Variants in DPP6 observed in about 807,000 individuals in gnomAD.
DPP6 encodes A-type potassium channel modulatory protein DPP6.
In DPP6, 69 loss-of-function variants were observed where a neutral mutation model predicts 122.6. The observed-to-expected ratio is 0.56, with a 90% confidence interval of 0.46 to 0.69. The LOEUF is 0.69. Ranked by LOEUF, DPP6 falls within the 30% of genes least tolerant of loss-of-function variation. The pLI is 0.00. For missense variants in DPP6, 928 were observed against 1,116.9 expected (o/e 0.83, Z 2.41); for synonymous variants, 418 against 433.1 (o/e 0.97, Z 0.43).
At position 154,580,110 on chromosome 7, in the gene DPP6, T is replaced by C. The variant is rs188732599; in HGVS notation, c.627+13194T>C. On this transcript the variant is annotated intron_variant, in intron 5 of 25. Transcript: ENST00000377770. ...GGTGAATAACAGTAAGACTCCAAAA[T>C]CAAGTGGGTATGTCTGACGATCTGC... Among the ~76,000 whole-genome samples, 5 of 150,964 alleles carry C rather than the reference T, an allele frequency of 3.3e-5. No homozygotes were observed. In the East Asian group the frequency reaches 9.8e-4, roughly 30 times the overall value.
At chr7:154,472,480 T>C (rs1563725355) in intron 2 of DPP6, among the ~76,000 whole-genome samples, 1 of 152,166 alleles carries the variant, frequency 6.6e-6, no homozygotes, top group Non-Finnish European at 1.5e-5. Context: ...CACTTTCTTA[T>C]TTAATAGTCT....
At chr7:154,189,695 G>T (rs527661784) in intron 1 of DPP6, among the ~76,000 whole-genome samples, 1 of 152,126 alleles carries the variant, frequency 6.6e-6, no homozygotes, top group Non-Finnish European at 1.5e-5. Flanking sequence ...CTCTCATGCC[G>T]TGTCTCTGGG....
chr7:153,843,202 A>G, the DPP6 span, among the ~76,000 whole-genome samples: 1 of 151,614 alleles, frequency 6.6e-6, no homozygotes, highest in African/African-American at 2.4e-5. Context: ...GCATACACAC[A>G]CGTGCACACA....
At chr7:154,199,298 A>G (rs1238766830) in intron 1 of DPP6, among the ~76,000 whole-genome samples, 1 of 152,038 alleles carries the variant, frequency 6.6e-6, no homozygotes, top group African/African-American at 2.4e-5. Flanking sequence ...TCACTCATCC[A>G]TTTTCAGTAG....
intron 1 of DPP6, among the ~76,000 whole-genome samples, chr7:154,359,808 A>G (rs1052226151): frequency 6.6e-6 from 1 of 152,236 alleles, no homozygotes; most frequent in African/African-American, 2.4e-5. Context: ...AGGCAGTCAG[A>G]TAGTCAAACA....
chr7:154,349,051 A>C lies in DPP6; in HGVS notation c.244-97163A>C, dbSNP rs549773111. Reference sequence around the variant, plus strand: ...ACCTTCCAACTGGGCAGAGGATGGGAGCACAGAGGGGTCCACAGCTGTAAG... The same window carrying C: ...ACCTTCCAACTGGGCAGAGGATGGGCGCACAGAGGGGTCCACAGCTGTAAG... On this transcript the variant is annotated intron_variant, in intron 1 of 25. Coordinates refer to ENST00000377770, the MANE Select transcript of DPP6 (RefSeq NM_130797.4). Among the ~76,000 whole-genome samples the C allele has an allele frequency of 4.6e-5, 7 of 152,354 alleles. No homozygotes were observed. The East Asian group carries it at 1.2e-3, about 25-fold the overall frequency.
chr7:154,281,757 G>C (rs1804529520), intron 1 of DPP6, among the ~76,000 whole-genome samples: 1 of 152,150 alleles, frequency 6.6e-6, no homozygotes, highest in Non-Finnish European at 1.5e-5. Context: ...CACGCAGACG[G>C]ATTTCAGCAT....
upstream of DPP6, among the ~76,000 whole-genome samples, chr7:153,886,929 T>C (rs538805130): frequency 1.6e-4 from 24 of 152,080 alleles, no homozygotes; most frequent in East Asian, 3.7e-3. Flanking sequence ...GCAATCACCG[T>C]AGTGCTTGTT....
chr7:154,532,777 AAAAC>A (rs1233660080), intron 3 of DPP6, among the ~76,000 whole-genome samples: 1 of 152,042 alleles, frequency 6.6e-6, no homozygotes, highest in East Asian at 1.9e-4. Flanking sequence ...TTTTTAAAAT[AAAAC>A]AAAATTTATA....
At chr7:153,759,394 CT>C in the DPP6 span, among the ~76,000 whole-genome samples, 1 of 152,002 alleles carries the variant, frequency 6.6e-6, no homozygotes, top group African/African-American at 2.4e-5. Flanking sequence ...TCTCGGCCCA[CT>C]GCAACTTCCA....
At chr7:153,888,421 A>T (rs1239985578) in intron 1 of DPP6, among the ~76,000 whole-genome samples, 8 of 152,136 alleles carry the variant, frequency 5.3e-5, no homozygotes, top group Non-Finnish European at 1.2e-4. Flanking sequence ...TGCACGGATA[A>T]CTTTCTAAGT....
chr7:154,603,757 A>G (rs1833499347), intron 5 of DPP6, among the ~76,000 whole-genome samples: 1 of 117,144 alleles, frequency 8.5e-6, no homozygotes, highest in Non-Finnish European at 1.9e-5. Flanking sequence ...CATAAATATA[A>G]TGTTAAGAAG....
At chr7:153,778,799 T>A in the DPP6 span, among the ~76,000 whole-genome samples, 1 of 151,222 alleles carries the variant, frequency 6.6e-6, no homozygotes, top group Non-Finnish European at 1.5e-5. Context: ...AGTTAGACAT[T>A]CCTTTACCAT....
At chr7:153,785,214 G>A in the DPP6 span, among the ~76,000 whole-genome samples, 7 of 152,102 alleles carry the variant, frequency 4.6e-5, no homozygotes, top group Admixed American at 3.3e-4. Flanking sequence ...ACAAACCCCC[G>A]TGTCTCACTA....
intron 1 of DPP6, among the ~76,000 whole-genome samples, chr7:154,255,937 A>G (rs1435004724): frequency 6.6e-6 from 1 of 152,244 alleles, no homozygotes; most frequent in East Asian, 1.9e-4. Flanking sequence ...ATAAAATAAG[A>G]AGAGTAATAT....
chr7:154,367,058 G>A (rs149087767), intron 1 of DPP6, among the ~76,000 whole-genome samples: 35 of 152,282 alleles, frequency 2.3e-4, no homozygotes, highest in African/African-American at 8.2e-4. Flanking sequence ...CTTTCTTAGG[G>A]GAGGAGGCAA....
chr7:154,305,033 C>A (rs1317973189), intron 1 of DPP6: 1 of 16,134 alleles, frequency 6.2e-5, no homozygotes, highest in African/African-American at 2.4e-4. Context: ...AGCCCCAGCC[C>A]CAGCCCCAGC....
At chr7:154,796,015 C>A in intron 12 of DPP6, 132 bp downstream of exon 12, 2 of 1,374,758 alleles carry the variant, frequency 1.5e-6, no homozygotes, top group Non-Finnish European at 1.9e-6. Flanking sequence ...CAGAAACAGA[C>A]GGCGTGCCGG....
intron 1 of DPP6, among the ~76,000 whole-genome samples, chr7:153,911,023 T>G (rs1800067713): frequency 6.6e-6 from 1 of 152,172 alleles, no homozygotes; most frequent in African/African-American, 2.4e-5. Context: ...AGTGATCGTT[T>G]TAGACACGGG....
Sources: allele counts gnomAD v4.1 joint callset (sites outside exome capture counted in the v4.1 genomes callset), GRCh38; gene constraint gnomAD v4.1.1; transcripts MANE v1.5; gene names NCBI Gene and HGNC (gene_info 2026-07-23, HGNC 2026-07-21).